PRELID2: variants seen among roughly 807,000 people sequenced by gnomAD.
PRELID2 encodes the protein PRELI domain containing 2, also known as PRELI domain-containing protein 2.
PRELID2 carries 25 observed loss-of-function variants against 28.4 expected under a neutral mutation model. The ratio of observed to expected loss-of-function variants is 0.88; its 90% CI spans 0.64 to 1.23. The LOEUF is 1.23. Ranked by LOEUF, PRELID2 falls within the 50% of genes most tolerant of loss-of-function variation. PRELID2 has a pLI of 0.00. For missense variants in PRELID2, 201 were observed against 214.4 expected (o/e 0.94, Z 0.39); for synonymous variants, 76 against 71.6 (o/e 1.06, Z -0.31).
At chr5:145,338,900 T>C in the PRELID2 span, among the ~76,000 whole-genome samples, 1 of 152,226 alleles carries the variant, frequency 6.6e-6, no homozygotes, top group Non-Finnish European at 1.5e-5. Context: ...CAAGGTGATG[T>C]AAATAATCAA....
chr5:145,415,731 C>T, the PRELID2 span, among the ~76,000 whole-genome samples: 3 of 151,824 alleles, frequency 2.0e-5, no homozygotes, highest in African/African-American at 7.3e-5. Context: ...AATAGTGCCA[C>T]AATAAACATA....
At chr5:145,770,406 C>A (rs1219491218) in intron 5 of PRELID2, among the ~76,000 whole-genome samples, 3 of 151,930 alleles carry the variant, frequency 2.0e-5, no homozygotes, top group Admixed American at 2.0e-4. Flanking sequence ...TGTAGTCTTA[C>A]CTACTTAGGA....
chr5:145,685,713 G>A (rs1230577753), intron 1 of PRELID2, among the ~76,000 whole-genome samples: 1 of 152,134 alleles, frequency 6.6e-6, no homozygotes, highest in South Asian at 2.1e-4. Flanking sequence ...TAAATATTAA[G>A]TCAGTACCAC....
At chr5:145,259,885 A>G in the PRELID2 span, among the ~76,000 whole-genome samples, 2 of 152,150 alleles carry the variant, frequency 1.3e-5, no homozygotes, top group African/African-American at 4.8e-5. Flanking sequence ...GATCTGTGTC[A>G]CTGCCCAAAT....
At chr5:145,696,119 G>T (rs922321840) in intron 1 of PRELID2, among the ~76,000 whole-genome samples, 1 of 138,960 alleles carries the variant, frequency 7.2e-6, no homozygotes, top group Admixed American at 7.1e-5. Flanking sequence ...ATATGGCTTA[G>T]TATAGTTTCT....
intron 1 of PRELID2, among the ~76,000 whole-genome samples, chr5:145,524,688 C>A (rs1376231196): frequency 6.6e-6 from 1 of 152,110 alleles, no homozygotes; most frequent in Non-Finnish European, 1.5e-5. Context: ...AGTGCATAAA[C>A]CCACAAAACT....
At chr5:145,778,518 A>G (rs1210894795) in intron 5 of PRELID2, among the ~76,000 whole-genome samples, 1 of 152,172 alleles carries the variant, frequency 6.6e-6, no homozygotes, top group Non-Finnish European at 1.5e-5. Context: ...ATCACAGAAC[A>G]AGAACTCAGT....
chr5:145,329,072 G>A, the PRELID2 span, among the ~76,000 whole-genome samples: 3 of 152,166 alleles, frequency 2.0e-5, no homozygotes, highest in Admixed American at 6.5e-5. Context: ...GTTTGTCAAA[G>A]ATCAGATGGT....
rs1581157368 is a variant in PRELID2, at chr5:145,764,853, G to A, written c.*10+78C>T. On this transcript the variant is annotated intron_variant, in intron 6 of 6. Coordinates refer to ENST00000683046, the MANE Select transcript of PRELID2 (RefSeq NM_205846.3). ...TGTGCAGCGTGAATAGCCCAGGGAG[G>A]CTGCTGTAGAATACCAGGCTGATAA... 19 of 1,000,412 alleles carry A rather than the reference G, an allele frequency of 1.9e-5. No individual in the cohort carries two copies. The East Asian group carries it at 4.1e-4, about 22-fold the overall frequency. The allele number at this position is 1,000,412 out of a possible 1,614,324, so 62.0% of individuals were successfully genotyped here. A position where few individuals can be genotyped will look rare whatever the true frequency, so the allele number is the denominator to read the frequency against.
At chr5:145,762,231 TAAG>T (rs1164602496) in intron 6 of PRELID2, among the ~76,000 whole-genome samples, 1 of 152,164 alleles carries the variant, frequency 6.6e-6, no homozygotes, top group Non-Finnish European at 1.5e-5. Flanking sequence ...CCATTTCACT[TAAG>T]AGAGGAGAGT....
intron 1 of PRELID2, among the ~76,000 whole-genome samples, chr5:145,710,284 A>T (rs1755658952): frequency 6.6e-6 from 1 of 152,218 alleles, no homozygotes; most frequent in African/African-American, 2.4e-5. Context: ...TGTTTCTATA[A>T]GAAGAAAATT....
At chr5:145,635,444 C>A (rs781758131) in intron 1 of PRELID2, among the ~76,000 whole-genome samples, 1 of 151,926 alleles carries the variant, frequency 6.6e-6, no homozygotes, top group African/African-American at 2.4e-5. Context: ...CTTCATACAC[C>A]GAACTCTGGT....
At chr5:145,253,681 C>T in the PRELID2 span, among the ~76,000 whole-genome samples, 1 of 151,966 alleles carries the variant, frequency 6.6e-6, no homozygotes, top group Admixed American at 6.6e-5. Flanking sequence ...AACTGGGTAG[C>T]TGAACTGTTA....
chr5:145,252,483 G>T, the PRELID2 span, among the ~76,000 whole-genome samples: 643 of 152,058 alleles, frequency 4.2e-3, 4 homozygotes, highest in African/African-American at 0.015. Flanking sequence ...TTCATCCTAG[G>T]TTTATTGAGA....
At chr5:145,292,828 C>T in the PRELID2 span, among the ~76,000 whole-genome samples, 13 of 147,082 alleles carry the variant, frequency 8.8e-5, no homozygotes, top group Admixed American at 1.3e-4. Context: ...TTACCTCAGC[C>T]TTCCAGGTAG....
chr5:145,230,184 C>T, the PRELID2 span: 1 of 393,118 alleles, frequency 2.5e-6, no homozygotes, highest in Non-Finnish European at 4.8e-6. Flanking sequence ...CTGCCAGGCC[C>T]CAGCTTTGTT....
the PRELID2 span, among the ~76,000 whole-genome samples, chr5:145,283,601 C>T: frequency 6.6e-6 from 1 of 152,106 alleles, no homozygotes; most frequent in Non-Finnish European, 1.5e-5. Flanking sequence ...AAACTGCTGG[C>T]ATCTGTTAGA....
chr5:145,351,913 C>A, the PRELID2 span, among the ~76,000 whole-genome samples: 1 of 152,174 alleles, frequency 6.6e-6, no homozygotes, highest in African/African-American at 2.4e-5. Context: ...CCAAAATGAT[C>A]TCCTTTGACT....
At chr5:145,596,870 C>T (rs1228847739) in intron 1 of PRELID2, among the ~76,000 whole-genome samples, 1 of 152,082 alleles carries the variant, frequency 6.6e-6, no homozygotes, top group Non-Finnish European at 1.5e-5. Flanking sequence ...ATATTTTATG[C>T]TAAAGAAACT....
Sources: gnomAD v4.1 joint callset for allele counts (sites outside exome capture counted in the v4.1 genomes callset) on GRCh38, gnomAD v4.1.1 for gene constraint, MANE v1.5 for transcripts, NCBI Gene and HGNC (gene_info 2026-07-23, HGNC 2026-07-21) for gene names.